Variants in KIF16B observed in about 807,000 individuals in gnomAD.
The protein encoded by KIF16B is kinesin-like protein KIF16B.
Under a neutral mutation model 156.3 loss-of-function variants are expected in KIF16B, and 98 were observed. That is an observed-to-expected ratio of 0.63 (90% CI 0.53 to 0.74). The LOEUF (loss-of-function observed/expected upper bound fraction) is 0.74. Ranked by LOEUF, KIF16B falls within the 30% of genes least tolerant of loss-of-function variation. The probability of loss-of-function intolerance (pLI) is 0.00; values close to 1 mark genes in which losing one functional copy is unlikely to be tolerated. For missense variants in KIF16B, 1,421 were observed against 1,606.5 expected (o/e 0.88, Z 1.97); for synonymous variants, 564 against 583.7 (o/e 0.97, Z 0.49).
At chr20:16,419,031 C>T (rs1003370901) in intron 15 of KIF16B, among the ~76,000 whole-genome samples, 1 of 152,082 alleles carries the variant, frequency 6.6e-6, no homozygotes, top group Non-Finnish European at 1.5e-5. Context: ...AAAAACCCGA[C>T]TGCAGGGCCT....
At chr20:16,316,565 G>A (rs1480759759) in intron 24 of KIF16B, among the ~76,000 whole-genome samples, 2 of 152,084 alleles carry the variant, frequency 1.3e-5, no homozygotes, top group Admixed American at 6.6e-5. Flanking sequence ...GAAAAATGAG[G>A]GCCCTGATGC....
intron 12 of KIF16B, among the ~76,000 whole-genome samples, chr20:16,473,192 A>G (rs1600488717): frequency 1.3e-5 from 2 of 152,210 alleles, no homozygotes; most frequent in East Asian, 1.9e-4. Flanking sequence ...TCAGAACACA[A>G]GGAACTTTGG....
At chr20:16,407,262 T>C (rs961934677) in intron 15 of KIF16B, among the ~76,000 whole-genome samples, 12 of 152,072 alleles carry the variant, frequency 7.9e-5, no homozygotes, top group African/African-American at 2.9e-4. Flanking sequence ...ACCAGAGGCA[T>C]GTAAGAGAAA....
At chr20:16,326,052 G>GA (rs2073276199) in intron 24 of KIF16B, among the ~76,000 whole-genome samples, 1 of 152,106 alleles carries the variant, frequency 6.6e-6, no homozygotes, top group African/African-American at 2.4e-5. Context: ...GTGGGGACAG[G>GA]ACACCTTATT....
chr20:16,492,040 C>G (rs901281737), intron 12 of KIF16B, among the ~76,000 whole-genome samples: 1 of 152,180 alleles, frequency 6.6e-6, no homozygotes, highest in African/African-American at 2.4e-5. Flanking sequence ...GGGGTTTGTA[C>G]AGCCACTCCT....
intron 21 of KIF16B, among the ~76,000 whole-genome samples, chr20:16,370,881 G>C (rs2064801879): frequency 6.6e-6 from 1 of 152,020 alleles, no homozygotes; most frequent in African/African-American, 2.4e-5. Context: ...TTAAAAACAA[G>C]ATCTCCTTAG....
chr20:16,453,934 T>G (rs778955922), intron 12 of KIF16B, among the ~76,000 whole-genome samples: 4 of 152,196 alleles, frequency 2.6e-5, no homozygotes, highest in Admixed American at 2.0e-4. Flanking sequence ...TTCTAGCCTG[T>G]GAACTTGCAG....
chr20:16,368,546 G>T lies in KIF16B; in HGVS notation c.3498+2040C>A, dbSNP rs1025423535. ...CTGATCACCTTTGTGCCAGCCTGAA[G>T]CAGGTGACTGCTGGTATCTTTATAA... is the stretch of plus-strand genomic sequence containing the variant. On this transcript the variant is annotated intron_variant, in intron 22 of 25. Coordinates refer to ENST00000354981, the MANE Select transcript of KIF16B (RefSeq NM_024704.5). The T allele has an allele frequency of 3.0e-6, 3 of 985,868 alleles. No homozygotes were observed. The African/African-American group carries it at 5.2e-5, about 17-fold the overall frequency. The allele number at this position is 985,868 out of a possible 1,614,324, so 61.1% of individuals were successfully genotyped here.
At chr20:16,285,240 C>T (rs1258478589) in intron 25 of KIF16B, among the ~76,000 whole-genome samples, 1 of 152,136 alleles carries the variant, frequency 6.6e-6, no homozygotes, top group Non-Finnish European at 1.5e-5. Context: ...TGTGTGAGTT[C>T]TGAGCATAGA....
At chr20:16,273,539 A>C in intron 25 of KIF16B, 128 bp from the exon 26 acceptor site, 2 of 702,086 alleles carry the variant, frequency 2.8e-6, no homozygotes, top group Non-Finnish European at 2.4e-6. Context: ...AAAAATAAAG[A>C]AATTAGCTGG....
chr20:16,433,177 G>T (rs1205757331), intron 12 of KIF16B, among the ~76,000 whole-genome samples: 1 of 152,138 alleles, frequency 6.6e-6, no homozygotes, highest in African/African-American at 2.4e-5. Flanking sequence ...TTCATAAAAT[G>T]ATGTCCTCAT....
intron 12 of KIF16B, among the ~76,000 whole-genome samples, chr20:16,443,497 G>A (rs989365375): frequency 5.9e-5 from 9 of 152,074 alleles, no homozygotes; most frequent in East Asian, 1.9e-4. Flanking sequence ...CATTTATATC[G>A]TAACAGAACA....
chr20:16,383,134 G>A (rs2065143218), intron 17 of KIF16B, among the ~76,000 whole-genome samples: 1 of 152,116 alleles, frequency 6.6e-6, no homozygotes, highest in Non-Finnish European at 1.5e-5. Context: ...TGGGACCACA[G>A]TATGGTGGCT....
intron 23 of KIF16B, among the ~76,000 whole-genome samples, chr20:16,337,114 C>T (rs555385652): frequency 1.3e-5 from 2 of 152,338 alleles, no homozygotes; most frequent in South Asian, 4.1e-4. Flanking sequence ...GTCTGCAGGC[C>T]TCTCCTGCTA....
In KIF16B at chr20:16,488,321, G is replaced by A. The variant is rs180703218; in HGVS notation, c.1302+5970C>T. Among the ~76,000 whole-genome samples, 45 of 152,344 alleles carry A rather than the reference G, an allele frequency of 3.0e-4. No homozygotes were observed. In the East Asian group the frequency reaches 7.9e-3, roughly 27 times the overall value. On this transcript the variant is annotated intron_variant, in intron 12 of 25. Coordinates refer to ENST00000354981, the MANE Select transcript of KIF16B (RefSeq NM_024704.5). ...TCTGTCAAAGGGCTGCCAGCTTGGCGCTGCAGTCCAAACTGTCTGTGCGTT... is the reference window on the plus strand; with the variant it reads ...TCTGTCAAAGGGCTGCCAGCTTGGCACTGCAGTCCAAACTGTCTGTGCGTT...
chr20:16,494,536 C>T (rs541437147), intron 11 of KIF16B, among the ~76,000 whole-genome samples, 186 bp from the exon 12 acceptor site: 2 of 152,188 alleles, frequency 1.3e-5, no homozygotes, highest in Non-Finnish European at 2.9e-5. Context: ...CTACAACCTA[C>T]ATTAGGGCAA....
chr20:16,532,738 C>T (rs2069805959), intron 1 of KIF16B, among the ~76,000 whole-genome samples: 1 of 152,118 alleles, frequency 6.6e-6, no homozygotes. Flanking sequence ...TCAACAAATA[C>T]CTCTCAGGAA....
chr20:16,487,272 C>A (rs545944492), intron 12 of KIF16B, among the ~76,000 whole-genome samples: 2 of 152,004 alleles, frequency 1.3e-5, no homozygotes, highest in South Asian at 4.2e-4. Context: ...AGATTAACTG[C>A]ATTTAAACGA....
chr20:16,358,674 C>A (rs1318788384), intron 22 of KIF16B, among the ~76,000 whole-genome samples: 1 of 151,876 alleles, frequency 6.6e-6, no homozygotes, highest in Non-Finnish European at 1.5e-5. Context: ...CAGACTCTTA[C>A]AAGTGAACTG....
Sources: allele counts gnomAD v4.1 joint callset (sites outside exome capture counted in the v4.1 genomes callset), GRCh38; gene constraint gnomAD v4.1.1; transcripts MANE v1.5; gene names NCBI Gene and HGNC (gene_info 2026-07-23, HGNC 2026-07-21).